TMEM144: variants seen among roughly 807,000 people sequenced by gnomAD.
TMEM144 encodes transmembrane protein 144.
Under a neutral mutation model 43.6 loss-of-function variants are expected in TMEM144, and 39 were observed. The observed-to-expected ratio is 0.90, with a 90% CI of 0.69 to 1.17. TMEM144 has a LOEUF of 1.17. TMEM144 is among the 50% of genes most tolerant of loss of function. The pLI, the probability that TMEM144 is intolerant of heterozygous loss-of-function variation, is 0.00. For missense variants in TMEM144, 417 were observed against 411.9 expected, an observed-to-expected ratio of 1.01 and a Z score of -0.11; for synonymous variants, 154 against 133.6, an observed-to-expected ratio of 1.15 and a Z score of -1.06.
At chr4:158,241,205 A>G (rs189084287) in intron 10 of TMEM144, among the ~76,000 whole-genome samples, 1 of 152,114 alleles carries the variant, frequency 6.6e-6, no homozygotes, top group Admixed American at 6.5e-5. Flanking sequence ...GTATTTGCAG[A>G]TAATGTTCGG....
intron 10 of TMEM144, among the ~76,000 whole-genome samples, chr4:158,241,158 G>A (rs1735617027): frequency 6.6e-6 from 1 of 151,276 alleles, no homozygotes. Flanking sequence ...GCATCACTCT[G>A]ATCCACTTTA....
rs956258108 is a variant in TMEM144, at chr4:158,232,785, A to G, written c.414-116A>G. 12 of 696,020 alleles carry G rather than the reference A, an allele frequency of 1.7e-5. No homozygotes were observed. In the African/African-American group the frequency reaches 2.2e-4, roughly 13 times the overall value. 43.1% of individuals were successfully genotyped at this position (696,020 alleles called of 1,614,324 possible). ...CCACTGAAGGGGCAATTTGAAAGTA[A>G]TCATTGTATCATTAGGATCCGATTA... is the stretch of plus-strand genomic sequence containing the variant. On this transcript the variant is annotated intron_variant, in intron 6 of 12. Coordinates refer to ENST00000296529, the MANE Select transcript of TMEM144 (RefSeq NM_018342.5).
chr4:158,241,672 C>G, intron 11 of TMEM144, 66 bp downstream of exon 11: 2 of 1,284,882 alleles, frequency 1.6e-6, no homozygotes, highest in Non-Finnish European at 2.3e-6. Flanking sequence ...TTCTGAAGCA[C>G]TCTTAGGGCA....
At chr4:158,230,087 C>A (rs975644386) in intron 6 of TMEM144, among the ~76,000 whole-genome samples, 2 of 152,248 alleles carry the variant, frequency 1.3e-5, no homozygotes, top group African/African-American at 4.8e-5. Context: ...CTGCATGGCT[C>A]TAGTGTTGGG....
At chr4:158,238,760 T>A (rs527978140) in intron 9 of TMEM144, among the ~76,000 whole-genome samples, 28 of 152,234 alleles carry the variant, frequency 1.8e-4, no homozygotes, top group Admixed American at 9.8e-4. Flanking sequence ...GAGCACAAGA[T>A]AAAAACAACT....
rs752801718 is a variant in TMEM144 at position 158,253,455 on chromosome 4, C to A, written c.966C>A (p.Asn322Lys). Residue 322 changes from asparagine (N) to lysine (K), a missense_variant, in exon 13 of 13, where the codon AAC becomes AAA. Physicochemically the swap from Asn to Lys is moderately conservative, Grantham distance 94. Coordinates refer to ENST00000296529, the MANE Select transcript of TMEM144 (RefSeq NM_018342.5). The stretch of plus-strand genomic sequence containing the variant: ...TTTTTCTTATTCAGGGTCTACAAAA[C>A]TACCTATTAATGATACTTGCATTTT... ...FMFKEIKGLQ[N>K]YLLMILAFCI... 2 of 1,612,960 alleles carry A rather than the reference C, an allele frequency of 1.2e-6. No individual in the cohort carries two copies. The highest frequency in any genetic ancestry group is 2.2e-5 in the South Asian group (2 of 91,010).
At chr4:158,237,391 C>G (rs948322427) in intron 8 of TMEM144, 134 bp from the exon 9 acceptor site, 1 of 674,528 alleles carries the variant, frequency 1.5e-6, no homozygotes, top group African/African-American at 2.1e-5. Flanking sequence ...CCGCCAGTCA[C>G]AGAGCTTGAG....
chr4:158,252,574 G>A (rs1333511338), intron 12 of TMEM144, among the ~76,000 whole-genome samples: 1 of 152,046 alleles, frequency 6.6e-6, no homozygotes, highest in Non-Finnish European at 1.5e-5. Flanking sequence ...TTGAGAGGCA[G>A]AGGTGGGCAG....
chr4:158,238,030 G>T (rs1735444235), intron 9 of TMEM144, among the ~76,000 whole-genome samples: 2 of 152,128 alleles, frequency 1.3e-5, no homozygotes. Flanking sequence ...TAGCCTACTT[G>T]GTCAGAGGAT....
chr4:158,226,715 T>C (rs1038858590), intron 6 of TMEM144, among the ~76,000 whole-genome samples: 1 of 152,172 alleles, frequency 6.6e-6, no homozygotes, highest in Non-Finnish European at 1.5e-5. Flanking sequence ...TTCTTTTTTA[T>C]AACATTTTTA....
intron 6 of TMEM144, among the ~76,000 whole-genome samples, chr4:158,224,063 G>A (rs1022217248): frequency 3.9e-5 from 6 of 152,044 alleles, no homozygotes; most frequent in East Asian, 3.9e-4. Context: ...CCACAGCTTC[G>A]CCAGCATCTA....
chr4:158,215,434 G>A, intron 4 of TMEM144, 121 bp downstream of exon 4: 1 of 1,217,914 alleles, frequency 8.2e-7, no homozygotes, highest in Non-Finnish European at 1.1e-6. Flanking sequence ...ATAGATACTA[G>A]AAATTAACTA....
In TMEM144 at chr4:158,219,396, C is replaced by A; in HGVS notation, c.413+6C>A. 1 of 1,611,648 alleles carries A rather than the reference C, an allele frequency of 6.2e-7. No homozygotes were observed. Among genetic ancestry groups the A allele is most frequent in the East Asian group, 2.2e-5 (1 of 44,850 alleles). On this transcript the variant is annotated splice_donor_region_variant and intron_variant, in intron 6 of 12. Transcript: ENST00000296529. The stretch of plus-strand genomic sequence containing the variant: ...GCTGGGCTATCAGTAGTAAGGTACA[C>A]AGTCATTTCTAGTGATTTTGCTGTT...
Position 158,217,301 on chromosome 4 carries a change from T to G in TMEM144, c.233-20T>G, listed in dbSNP as rs755528739. 1 of 1,456,530 alleles carries G rather than the reference T, an allele frequency of 6.9e-7. No homozygotes were observed. Among genetic ancestry groups the G allele is most frequent in the Non-Finnish European group, 9.6e-7 (1 of 1,044,706 alleles). 90.2% of individuals were successfully genotyped at this position (1,456,530 alleles called of 1,614,324 possible). ...TTCTATATGGAAATAACATGTTTCT[T>G]CTGTATATTACATCTACAGGGAACA... On this transcript the variant is annotated intron_variant, in intron 4 of 12. Transcript: ENST00000296529.
Position 158,244,332 on chromosome 4 carries a change from A to G in TMEM144, c.937A>G (p.Met313Val), listed in dbSNP as rs745556072. Residue 313 changes from methionine (M) to valine (V), a missense_variant, in exon 12 of 13, where the codon ATG becomes GTG. By Grantham distance (21) the Met-to-Val change is conservative (BLOSUM62 1). Transcript: ENST00000296529. ...GFIAAMWGIF[M>V]FKEIKGLQNY... ...TATAGCTGCAATGTGGGGTATCTTCATGTTTAAGGAAATAAAGGTATGTAC... is the reference window on the plus strand; with the variant it reads ...TATAGCTGCAATGTGGGGTATCTTCGTGTTTAAGGAAATAAAGGTATGTAC... 3 of 1,608,916 alleles carry G rather than the reference A, an allele frequency of 1.9e-6. No homozygotes were observed. In the South Asian group the frequency reaches 3.3e-5, roughly 18 times the overall value.
chr4:158,243,524 C>G (rs573801386), intron 11 of TMEM144, among the ~76,000 whole-genome samples: 1 of 152,296 alleles, frequency 6.6e-6, no homozygotes, highest in South Asian at 2.1e-4. Context: ...TACACCTTCT[C>G]CACAAAGACC....
chr4:158,216,762 CAA>C (rs1734242829), intron 4 of TMEM144, among the ~76,000 whole-genome samples: 1 of 150,968 alleles, frequency 6.6e-6, no homozygotes, highest in African/African-American at 2.4e-5. Flanking sequence ...GGAGGAGACT[CAA>C]GAGATGAAGA....
chr4:158,236,364 AT>A (rs1735349667), intron 8 of TMEM144, among the ~76,000 whole-genome samples: 1 of 152,094 alleles, frequency 6.6e-6, no homozygotes, highest in Non-Finnish European at 1.5e-5. Flanking sequence ...CAAACAAAAA[AT>A]TTTTTCAAAT....
chr4:158,253,280 G>T (rs2039116), intron 12 of TMEM144, among the ~76,000 whole-genome samples, 164 bp from the exon 13 acceptor site: 94,892 of 151,994 alleles, frequency 0.62, 29,954 homozygotes, highest in East Asian at 0.87. Context: ...AATTCATAAG[G>T]CTCTGCAGGG....
Sources: gnomAD v4.1 joint callset for allele counts (sites outside exome capture counted in the v4.1 genomes callset) on GRCh38, gnomAD v4.1.1 for gene constraint, MANE v1.5 for transcripts, NCBI Gene and HGNC (gene_info 2026-07-23, HGNC 2026-07-21) for gene names.